HTR1F: variants seen among roughly 807,000 people sequenced by gnomAD.
The protein encoded by HTR1F is 5-hydroxytryptamine (serotonin) receptor 1F, G protein-coupled.
A neutral mutation model predicts 24.0 loss-of-function variants in HTR1F; 17 were observed. That is an observed-to-expected ratio of 0.71 (90% CI 0.48 to 1.06). The LOEUF (loss-of-function observed/expected upper bound fraction) is 1.06. Ranked by LOEUF, HTR1F falls within the 50% of genes least tolerant of loss-of-function variation. HTR1F has a pLI of 0.00. For synonymous variants in HTR1F, 186 were observed against 156.8 expected, an observed-to-expected ratio of 1.19 and a Z score of -1.39; for missense variants, 391 against 427.8, an observed-to-expected ratio of 0.91 and a Z score of 0.76.
At chr3:87,794,386 A>G (rs907663938) in intron 1 of HTR1F, among the ~76,000 whole-genome samples, 1 of 152,070 alleles carries the variant, frequency 6.6e-6, no homozygotes, top group Non-Finnish European at 1.5e-5. Flanking sequence ...TGAGAATGAG[A>G]GTATGTATTC....
At chr3:87,933,923 C>A (rs1467157908) in intron 2 of HTR1F, among the ~76,000 whole-genome samples, 1 of 152,190 alleles carries the variant, frequency 6.6e-6, no homozygotes, top group African/African-American at 2.4e-5. Context: ...AGATAAGACT[C>A]CCTGGGATCA....
At chr3:87,982,114 G>A (rs1489169142) in intron 2 of HTR1F, among the ~76,000 whole-genome samples, 2 of 151,976 alleles carry the variant, frequency 1.3e-5, no homozygotes, top group Admixed American at 6.6e-5. Flanking sequence ...ATAGAGATGG[G>A]GTTTCACCTT....
chr3:87,977,560 A>G lies in HTR1F; in HGVS notation c.-42-13148A>G, dbSNP rs184881245. ...ACTACAGGCACCCGCCAGCACGCCC[A>G]GCTAATTTTTTTCTTTTTTTTTTTT... On this transcript the variant is annotated intron_variant, in intron 2 of 2. Coordinates refer to ENST00000319595, the MANE Select transcript of HTR1F (RefSeq NM_001322209.2). 3.2e-4 allele frequency among the ~76,000 whole-genome samples: 49 copies of G among 150,812 alleles called. No homozygotes were observed. In the East Asian group the frequency reaches 9.0e-3, roughly 28 times the overall value.
At chr3:87,848,794 G>A (rs944009905) in intron 2 of HTR1F, among the ~76,000 whole-genome samples, 1 of 151,556 alleles carries the variant, frequency 6.6e-6, no homozygotes, top group African/African-American at 2.4e-5. Context: ...AAAATCACAA[G>A]CATTCTTATA....
At chr3:87,803,598 T>A (rs1325035319) in intron 1 of HTR1F, among the ~76,000 whole-genome samples, 1 of 152,162 alleles carries the variant, frequency 6.6e-6, no homozygotes, top group African/African-American at 2.4e-5. Flanking sequence ...AGAAGCAGCA[T>A]CTAATTTGAC....
At chr3:87,973,678 T>TA (rs1490429963) in intron 2 of HTR1F, among the ~76,000 whole-genome samples, 11 of 151,758 alleles carry the variant, frequency 7.2e-5, no homozygotes, top group East Asian at 3.9e-4. Flanking sequence ...AGTGAGAAAA[T>TA]AAAAATAAAA....
chr3:87,976,842 G>C (rs1705405988), intron 2 of HTR1F, among the ~76,000 whole-genome samples: 1 of 152,134 alleles, frequency 6.6e-6, no homozygotes, highest in Non-Finnish European at 1.5e-5. Context: ...TCTTTGTCTA[G>C]TTCCTGGTGA....
chr3:87,846,395 C>A (rs1453257143), intron 2 of HTR1F, among the ~76,000 whole-genome samples: 1 of 151,720 alleles, frequency 6.6e-6, no homozygotes, highest in South Asian at 2.1e-4. Context: ...CAAGATTGTG[C>A]CACTGCACTC....
Position 87,826,444 on chromosome 3 carries a change from T to C in HTR1F, c.-43+4320T>C, listed in dbSNP as rs1448166578. On this transcript the variant is annotated intron_variant, in intron 2 of 2. Transcript: ENST00000319595. ...AATCAGCTCTGCCACTCGTTCTTTTTACCTGCTTGATTTTCTCATAAAGTC... is the reference window on the plus strand; with the variant it reads ...AATCAGCTCTGCCACTCGTTCTTTTCACCTGCTTGATTTTCTCATAAAGTC... Among the ~76,000 whole-genome samples, 8 of 152,220 alleles carry C rather than the reference T, an allele frequency of 5.3e-5. No individual in the cohort carries two copies. In the East Asian group the frequency reaches 1.5e-3, roughly 29 times the overall value.
intron 1 of HTR1F, among the ~76,000 whole-genome samples, chr3:87,821,453 T>G (rs1185022644): frequency 6.6e-6 from 1 of 152,196 alleles, no homozygotes; most frequent in Non-Finnish European, 1.5e-5. Flanking sequence ...CCACAAAACA[T>G]AGAAAGTAGC....
At chr3:87,953,133 T>C (rs1704870339) in intron 2 of HTR1F, among the ~76,000 whole-genome samples, 1 of 151,678 alleles carries the variant, frequency 6.6e-6, no homozygotes. Context: ...TTCAGGACAT[T>C]AGTCTAAGCA....
intron 2 of HTR1F, among the ~76,000 whole-genome samples, chr3:87,877,861 G>A (rs1048140245): frequency 1.8e-4 from 28 of 152,288 alleles, no homozygotes; most frequent in African/African-American, 6.7e-4. Context: ...GAAATGTGTA[G>A]CAAAGCTCCT....
intron 2 of HTR1F, among the ~76,000 whole-genome samples, chr3:87,829,563 G>A (rs1704532974): frequency 6.6e-6 from 1 of 152,260 alleles, no homozygotes; most frequent in South Asian, 2.1e-4. Context: ...GGATCTCTCT[G>A]ACTGCATTTG....
chr3:87,850,424 C>G (rs1705058525), intron 2 of HTR1F, among the ~76,000 whole-genome samples: 1 of 151,724 alleles, frequency 6.6e-6, no homozygotes, highest in Non-Finnish European at 1.5e-5. Context: ...CACATGAACA[C>G]AGGAAGGGTA....
intron 2 of HTR1F, among the ~76,000 whole-genome samples, chr3:87,931,551 T>A (rs1159543388): frequency 1.3e-5 from 2 of 152,190 alleles, no homozygotes; most frequent in Non-Finnish European, 2.9e-5. Flanking sequence ...TATAGTCCAT[T>A]GGGTATATAC....
At chr3:87,793,831 C>A (rs1342224425) in intron 1 of HTR1F, among the ~76,000 whole-genome samples, 3 of 151,850 alleles carry the variant, frequency 2.0e-5, no homozygotes, top group East Asian at 3.9e-4. Context: ...GGCACCTTGA[C>A]GATCGTAATA....
intron 2 of HTR1F, among the ~76,000 whole-genome samples, chr3:87,895,412 CAT>C (rs1706177035): frequency 6.6e-6 from 1 of 151,982 alleles, no homozygotes; most frequent in Non-Finnish European, 1.5e-5. Context: ...ATTATATATA[CAT>C]ATATACACAC....
chr3:87,915,504 G>GA lies in HTR1F; in HGVS notation c.-42-75197dup, dbSNP rs548467836. On this transcript the variant is annotated intron_variant, in intron 2 of 2. Transcript: ENST00000319595. ...TATTCAAAGAAATAGACAGCATAAA[G>GA]AAAAAAACAATAAAAGCTTCAGGAA... 2.4e-4 allele frequency among the ~76,000 whole-genome samples: 37 copies of GA among 151,992 alleles called. No individual in the cohort carries two copies. The South Asian group carries it at 7.7e-3, about 32-fold the overall frequency.
At chr3:87,808,896 T>C (rs1361378080) in intron 1 of HTR1F, among the ~76,000 whole-genome samples, 2 of 151,880 alleles carry the variant, frequency 1.3e-5, no homozygotes, top group African/African-American at 4.8e-5. Flanking sequence ...TGTTGTTTAA[T>C]TTGTATAGTT....
Sources: allele counts gnomAD v4.1 joint callset (sites outside exome capture counted in the v4.1 genomes callset), GRCh38; gene constraint gnomAD v4.1.1; transcripts MANE v1.5; gene names NCBI Gene and HGNC (gene_info 2026-07-23, HGNC 2026-07-21).